Variants in CELF2 observed in about 807,000 individuals in gnomAD.
CELF2 encodes the protein CUGBP Elav-like family member 2.
In CELF2, 8 loss-of-function variants were observed where a neutral mutation model predicts 62.6. That is an observed-to-expected ratio of 0.13 (90% CI 0.07 to 0.23). The LOEUF (loss-of-function observed/expected upper bound fraction) is 0.23. CELF2 is among the 10% of genes least tolerant of loss of function. CELF2 has a pLI of 1.00. For synonymous variants in CELF2, 258 were observed against 250.0 expected (o/e 1.03, Z -0.30); for missense variants, 333 against 671.0 (o/e 0.50, Z 5.56).
the CELF2 span, among the ~76,000 whole-genome samples, chr10:10,780,453 ACGTT>A: frequency 8.8e-6 from 1 of 113,476 alleles, no homozygotes; most frequent in South Asian, 3.7e-4. Flanking sequence ...ACAGAGGGAA[ACGTT>A]TGTTTGTTTG....
rs1393106351 is a variant in CELF2, at chr10:10,995,138, A to G, written c.89+75139A>G. On this transcript the variant is annotated intron_variant, in intron 2 of 13. Coordinates refer to the CELF2 transcript ENST00000636488. The surrounding 1 kb of genome is among the most constrained non-coding windows in gnomAD (Gnocchi z 4.7). ...TTTCTAACTTGGTTATAAGTTCCTT[A>G]AGGGCAGGAGCTATGCCCCGTGCCT... 6.6e-6 allele frequency among the ~76,000 whole-genome samples: 1 copy of G among 152,208 alleles called. No homozygotes were observed. Among genetic ancestry groups the G allele is most frequent in the African/African-American group, 2.4e-5 (1 of 41,444 alleles).
chr10:11,061,839 G>T (rs1315229591), intron 1 of CELF2, among the ~76,000 whole-genome samples: 2 of 152,228 alleles, frequency 1.3e-5, no homozygotes, highest in African/African-American at 4.8e-5. Flanking sequence ...TTGAGGCAGA[G>T]TCTCGCTCTG....
chr10:10,724,661 A>G, the CELF2 span, among the ~76,000 whole-genome samples: 3 of 149,236 alleles, frequency 2.0e-5, no homozygotes, highest in African/African-American at 7.5e-5. Context: ...GTCTCAAAAA[A>G]AAAAAAAAAG....
intron 1 of CELF2, among the ~76,000 whole-genome samples, chr10:11,079,304 C>A (rs565597375): frequency 6.6e-6 from 1 of 152,156 alleles, no homozygotes; most frequent in Non-Finnish European, 1.5e-5. Flanking sequence ...CATCTGTAGA[C>A]CTTGGTTTTA....
chr10:10,651,454 C>T, the CELF2 span, among the ~76,000 whole-genome samples: 3 of 133,678 alleles, frequency 2.2e-5, no homozygotes, highest in Non-Finnish European at 3.3e-5. Flanking sequence ...GTAACCTCTG[C>T]AGACTTAAAT....
intron 1 of CELF2, among the ~76,000 whole-genome samples, chr10:10,881,272 T>C (rs1160720756): frequency 6.6e-6 from 1 of 152,232 alleles, no homozygotes; most frequent in Non-Finnish European, 1.5e-5. Flanking sequence ...TGGTATATTT[T>C]GAGAGACCTC....
At chr10:10,746,973 G>A in the CELF2 span, among the ~76,000 whole-genome samples, 1 of 152,200 alleles carries the variant, frequency 6.6e-6, no homozygotes, top group Non-Finnish European at 1.5e-5. Flanking sequence ...ATTTCTAACT[G>A]AGAACTGGAT....
In CELF2 at chr10:11,267,022, CG is replaced by C. The variant is rs915212539; in HGVS notation, c.618+349del. On this transcript the variant is annotated intron_variant, in intron 6 of 12. Coordinates refer to ENST00000633077, the MANE Select transcript of CELF2 (RefSeq NM_001326342.2). The surrounding 1 kb of genome is among the most constrained non-coding windows in gnomAD (Gnocchi z 4.4). ...AAAGAATCAAATACATTCCCCACAC[CG>C]GGGTCGGTGCGGATGAAACAGTAAC... Among the ~76,000 whole-genome samples, 5 of 152,286 alleles carry C rather than the reference CG, an allele frequency of 3.3e-5. No homozygotes were observed. Among genetic ancestry groups the C allele is most frequent in the African/African-American group, 1.2e-4 (5 of 41,572 alleles).
chr10:10,703,319 TA>T, the CELF2 span, among the ~76,000 whole-genome samples: 1 of 152,208 alleles, frequency 6.6e-6, no homozygotes, highest in Non-Finnish European at 1.5e-5. Context: ...ATGACTCAGC[TA>T]GTCCGTGTTC....
chr10:10,766,393 G>A, the CELF2 span, among the ~76,000 whole-genome samples: 5 of 152,196 alleles, frequency 3.3e-5, no homozygotes, highest in Non-Finnish European at 7.3e-5. Flanking sequence ...TGTATATGGA[G>A]TAGATCAGTA....
intron 9 of CELF2, among the ~76,000 whole-genome samples, chr10:11,292,139 A>C (rs1679699567): frequency 6.6e-6 from 1 of 152,194 alleles, no homozygotes; most frequent in Non-Finnish European, 1.5e-5. Flanking sequence ...TCAAAGAGTT[A>C]TCACTTTGAA....
the CELF2 span, among the ~76,000 whole-genome samples, chr10:10,633,469 C>T: frequency 2.0e-5 from 3 of 152,058 alleles, no homozygotes; most frequent in African/African-American, 7.2e-5. Context: ...TGTTTGTATC[C>T]ATTGCTCATG....
At chr10:11,043,533 T>G (rs1017568165) in intron 1 of CELF2, among the ~76,000 whole-genome samples, 1 of 152,168 alleles carries the variant, frequency 6.6e-6, no homozygotes, top group Non-Finnish European at 1.5e-5. Flanking sequence ...TCTACTTGGA[T>G]GCCTACATGG....
intron 3 of CELF2, among the ~76,000 whole-genome samples, chr10:11,219,572 A>G (rs1290288036): frequency 6.6e-6 from 1 of 152,228 alleles, no homozygotes; most frequent in Admixed American, 6.5e-5. Context: ...TGTAAGGCTG[A>G]TAGCCTTTCC....
chr10:10,754,825 C>G, the CELF2 span, among the ~76,000 whole-genome samples: 1 of 152,188 alleles, frequency 6.6e-6, no homozygotes, highest in Non-Finnish European at 1.5e-5. Flanking sequence ...TCCTAATTAC[C>G]CAAGCCTTAA....
chr10:10,534,293 A>G, the CELF2 span, among the ~76,000 whole-genome samples: 2 of 152,244 alleles, frequency 1.3e-5, no homozygotes, highest in Admixed American at 6.5e-5. Context: ...AAAAACACTT[A>G]AAAGAAGTTT....
the CELF2 span, among the ~76,000 whole-genome samples, chr10:10,570,540 G>A: frequency 6.6e-6 from 1 of 151,692 alleles, no homozygotes; most frequent in Non-Finnish European, 1.5e-5. Context: ...TAAAGAAAAA[G>A]GCTAAAATGG....
rs1440819848 is a variant in CELF2, at chr10:11,008,711, T to G, written c.53+3271T>G. Reference sequence around the variant, plus strand: ...GAAGAGTGTTACGTGGGGACGATCATTCTGTATTTAAGGTGTCAGAATTCA... The same window carrying G: ...GAAGAGTGTTACGTGGGGACGATCAGTCTGTATTTAAGGTGTCAGAATTCA... On this transcript the variant is annotated intron_variant, in intron 1 of 12. Transcript: ENST00000416382. This position sits in a 1 kb window ranked among gnomAD's most constrained non-coding sequence, Gnocchi z 4.5. Among the ~76,000 whole-genome samples the G allele has an allele frequency of 6.6e-6, 1 of 152,018 alleles. No homozygotes were observed. Among genetic ancestry groups the G allele is most frequent in the South Asian group, 2.1e-4 (1 of 4,828 alleles).
At chr10:10,819,219 T>C (rs1260537159) in intron 1 of CELF2, among the ~76,000 whole-genome samples, 1 of 152,198 alleles carries the variant, frequency 6.6e-6, no homozygotes, top group East Asian at 1.9e-4. Context: ...ATCCTTGCTT[T>C]AATGGGGTTT....
Sources: allele counts gnomAD v4.1 joint callset (sites outside exome capture counted in the v4.1 genomes callset), GRCh38; gene constraint gnomAD v4.1.1; non-coding constraint Gnocchi (gnomAD v3.1); transcripts MANE v1.5; gene names NCBI Gene and HGNC (gene_info 2026-07-23, HGNC 2026-07-21).